The following EIF4ENIF1 variants were observed in gnomAD, a reference collection of about 807,000 sequenced individuals.
The protein encoded by EIF4ENIF1 is eukaryotic translation initiation factor 4E transporter.
Under a neutral mutation model 110.5 loss-of-function variants are expected in EIF4ENIF1, and 23 were observed. The observed-to-expected ratio is 0.21, with a 90% confidence interval of 0.15 to 0.29. The LOEUF (loss-of-function observed/expected upper bound fraction) is 0.29, where lower values mean the gene tolerates loss of function less well. Among genes scored for constraint, EIF4ENIF1 ranks in the 10% least tolerant of loss-of-function variants. The pLI is 1.00. For missense variants in EIF4ENIF1, 1,031 were observed against 1,221.1 expected, an observed-to-expected ratio of 0.84 and a Z score of 2.32; for synonymous variants, 440 against 437.0, an observed-to-expected ratio of 1.01 and a Z score of -0.09.
chr22:31,463,267 A>AC, intron 5 of EIF4ENIF1, 134 bp from the exon 6 acceptor site: 6 of 776,014 alleles, frequency 7.7e-6, no homozygotes. Context: ...CACCACCCCC[A>AC]CCCCTTCCTC....
chr22:31,485,247 A>G (rs1047474258), intron 2 of EIF4ENIF1, among the ~76,000 whole-genome samples: 2 of 152,224 alleles, frequency 1.3e-5, no homozygotes, highest in Non-Finnish European at 2.9e-5. Context: ...ATTAAGCTAA[A>G]AAATGCTTTT....
At chr22:31,490,601 G>C (rs2052242431), upstream of EIF4ENIF1, among the ~76,000 whole-genome samples, 1 of 152,196 alleles carries the variant, frequency 6.6e-6, no homozygotes, top group Non-Finnish European at 1.5e-5. Context: ...TGCACAGAAA[G>C]GGGAAGTGCG....
At chr22:31,457,447 C>CT (rs2050865220) in intron 7 of EIF4ENIF1, among the ~76,000 whole-genome samples, 1 of 152,180 alleles carries the variant, frequency 6.6e-6, no homozygotes, top group Non-Finnish European at 1.5e-5. Flanking sequence ...ATAGAGCAAA[C>CT]ATCTATCCAA....
rs777853593 is a variant in EIF4ENIF1 at position 31,449,501 on chromosome 22, C to G, written c.1615G>C (p.Ala539Pro). 1 of 1,613,920 alleles carries G rather than the reference C, an allele frequency of 6.2e-7. No homozygotes were observed. Among genetic ancestry groups the G allele is most frequent in the Middle Eastern group, 1.7e-4 (1 of 6,060 alleles). ...AGGCCACTCAGAAGATTGGAAGAAGCAGGTCTCTGAACTGGTTGACCCAGA... is the reference window on the plus strand; with the variant it reads ...AGGCCACTCAGAAGATTGGAAGAAGGAGGTCTCTGAACTGGTTGACCCAGA... ...ELLGQPVQRP[A>P]SSNLLSGLMG... Residue 539 changes from alanine to proline, a missense_variant, in exon 12 of 19, where the codon GCT becomes CCT. Physicochemically the swap from Ala to Pro is conservative, Grantham distance 27. This residue lies in a region of EIF4ENIF1 where 704 missense variants were observed against 879.7 expected (regional missense o/e 0.80). Transcript: ENST00000330125.
Position 31,443,097 on chromosome 22 carries a change from G to A in EIF4ENIF1, c.2074-3C>T, listed in dbSNP as rs750904856. The A allele has an allele frequency of 6.2e-7, 1 of 1,613,510 alleles. No homozygotes were observed. The highest frequency in any genetic ancestry group is 2.2e-5 in the East Asian group (1 of 44,882). On this transcript the variant is annotated splice_polypyrimidine_tract_variant and splice_region_variant and intron_variant, in intron 15 of 18. Coordinates refer to ENST00000330125, the MANE Select transcript of EIF4ENIF1 (RefSeq NM_019843.4). ...GTAGGGGTAAAGGAAGGAGAAAGCT[G>A]CAGAGAAAAACAATTGGCATTAGCA...
chr22:31,476,872 C>T (rs2051592456), intron 2 of EIF4ENIF1, among the ~76,000 whole-genome samples: 1 of 151,284 alleles, frequency 6.6e-6, no homozygotes, highest in South Asian at 2.1e-4. Flanking sequence ...TGGGGGTGCA[C>T]ACCTGTAGCC....
chr22:31,439,219 A>T (rs980109998), downstream of EIF4ENIF1: 9 of 152,458 alleles, frequency 5.9e-5, no homozygotes, highest in African/African-American at 2.2e-4. Flanking sequence ...CTGAGGTGAG[A>T]GGATCGCTTG....
intron 6 of EIF4ENIF1, among the ~76,000 whole-genome samples, chr22:31,462,020 A>G (rs1379408697): frequency 6.6e-6 from 1 of 152,190 alleles, no homozygotes; most frequent in Non-Finnish European, 1.5e-5. Flanking sequence ...TTAGGACATA[A>G]TTGCTCAATA....
chr22:31,456,076 A>G, intron 7 of EIF4ENIF1, 89 bp from the exon 8 acceptor site: 1 of 1,353,626 alleles, frequency 7.4e-7, no homozygotes, highest in Non-Finnish European at 1.0e-6. Context: ...TTACTTTGAA[A>G]CTTCCTTTCA....
chr22:31,458,898 T>C (rs1427020278), intron 6 of EIF4ENIF1, among the ~76,000 whole-genome samples: 1 of 151,570 alleles, frequency 6.6e-6, no homozygotes, highest in South Asian at 2.1e-4. Context: ...TCGTGGGAAC[T>C]TCATATTTTC....
At chr22:31,493,341 T>A (rs1356333678), upstream of EIF4ENIF1, among the ~76,000 whole-genome samples, 1 of 152,110 alleles carries the variant, frequency 6.6e-6, no homozygotes, top group Non-Finnish European at 1.5e-5. Flanking sequence ...TAACTTGTAA[T>A]TTTTTGAGAC....
rs1601544864 is a variant in EIF4ENIF1, at chr22:31,439,600, T to C, written c.*280A>G. 2.2e-6 allele frequency: 1 copy of C among 444,818 alleles called. No individual in the cohort carries two copies. The highest frequency in any genetic ancestry group is 4.6e-5 in the East Asian group (1 of 21,930). The allele number at this position is 444,818 out of a possible 1,614,324, so 27.6% of individuals were successfully genotyped here. On this transcript the variant is annotated 3_prime_UTR_variant, in exon 19 of 19. Transcript: ENST00000330125. Reference sequence around the variant, plus strand: ...CTCAGAACCCTTAGGTGCCACCTCTTGGTGAGGACACCAACACTTCATTCA... The same window carrying C: ...CTCAGAACCCTTAGGTGCCACCTCTCGGTGAGGACACCAACACTTCATTCA...
intron 4 of EIF4ENIF1, among the ~76,000 whole-genome samples, chr22:31,464,695 A>T (rs1486558766): frequency 0.015 from 800 of 52,808 alleles, 26 homozygotes; most frequent in Non-Finnish European, 0.023. Flanking sequence ...AAAAAAAAAA[A>T]AAAAATATAT....
chr22:31,466,239 C>T (rs1439172787), intron 4 of EIF4ENIF1, among the ~76,000 whole-genome samples: 2 of 152,206 alleles, frequency 1.3e-5, no homozygotes, highest in Non-Finnish European at 2.9e-5. Context: ...ATGGTGAAAC[C>T]CTGTCTCTAC....
intron 7 of EIF4ENIF1, among the ~76,000 whole-genome samples, chr22:31,457,338 G>A (rs529934554): frequency 6.6e-6 from 1 of 152,194 alleles, no homozygotes; most frequent in South Asian, 2.1e-4. Context: ...CTAGATTTAA[G>A]CATTTAAAAA....
chr22:31,440,963 TA>T (rs1169192809), intron 17 of EIF4ENIF1, 95 bp from the exon 18 acceptor site: 56 of 1,521,158 alleles, frequency 3.7e-5, no homozygotes. Context: ...GGAAGTTTGT[TA>T]AGAATGAAGG....
intron 2 of EIF4ENIF1, among the ~76,000 whole-genome samples, chr22:31,486,878 C>T (rs180903073): frequency 6.8e-6 from 1 of 148,082 alleles, no homozygotes; most frequent in African/African-American, 2.5e-5. Flanking sequence ...GTTGGGAGTT[C>T]GAGACTAGCC....
chr22:31,458,606 C>G lies in EIF4ENIF1; in HGVS notation c.832G>C (p.Glu278Gln), dbSNP rs2050898985. The change falls in exon 7 of 19, where the codon GAG becomes CAG. Residue 278 changes from glutamate (E) to glutamine (Q), a missense_variant. Glu to Gln is a conservative substitution (Grantham distance 29). Coordinates refer to ENST00000330125, the MANE Select transcript of EIF4ENIF1 (RefSeq NM_019843.4). ...NGGVAEEDEV[E>Q]VILAQEPAAD... ...GCAGGCTCCTGTGCAAGGATGACCT[C>G]CACTTCATCCTCTTCGGCCACTCCT... The G allele has an allele frequency of 6.2e-7, 1 of 1,611,912 alleles. No individual in the cohort carries two copies. Among genetic ancestry groups the G allele is most frequent in the Non-Finnish European group, 8.5e-7 (1 of 1,178,812 alleles).
upstream of EIF4ENIF1, among the ~76,000 whole-genome samples, chr22:31,490,852 G>T (rs2052253364): frequency 1.3e-5 from 2 of 152,172 alleles, no homozygotes; most frequent in Non-Finnish European, 2.9e-5. Flanking sequence ...CTGGTTAAAG[G>T]ACAGCAACGT....
Sources: allele counts gnomAD v4.1 joint callset (sites outside exome capture counted in the v4.1 genomes callset), GRCh38; gene constraint gnomAD v4.1.1; regional missense constraint gnomAD v4.1.1; transcripts MANE v1.5; gene names NCBI Gene and HGNC (gene_info 2026-07-23, HGNC 2026-07-21).